The following RBBP4 variants were observed in gnomAD, a reference collection of about 807,000 sequenced individuals.
RBBP4 encodes the protein histone-binding protein RBBP4.
A neutral mutation model predicts 57.2 loss-of-function variants in RBBP4; 3 were observed. That is an observed-to-expected ratio of 0.05 (90% CI 0.02 to 0.14). The LOEUF is 0.14. Among genes scored for constraint, RBBP4 ranks in the 10% least tolerant of loss-of-function variants. The probability of loss-of-function intolerance (pLI) is 1.00; values close to 1 mark genes in which losing one functional copy is unlikely to be tolerated. For synonymous variants in RBBP4, 151 were observed against 171.5 expected (o/e 0.88, Z 0.93); for missense variants, 107 against 520.6 (o/e 0.21, Z 7.73).
At chr1:32,665,087 CTT>C (rs137951885) in intron 3 of RBBP4, among the ~76,000 whole-genome samples, 5,827 of 152,172 alleles carry the variant, frequency 0.038, 217 homozygotes, top group East Asian at 0.11. Flanking sequence ...GGGAAAAAAA[CTT>C]ATGTGTGACG....
rs531035360 is a variant in RBBP4 at position 32,657,419 on chromosome 1, C to T, written c.165-8C>T. ...AATTTGAACAGTGACTATATATTGCCGTTACAGACCAGAAGGGAAAGATTT... is the reference window on the plus strand; with the variant it reads ...AATTTGAACAGTGACTATATATTGCTGTTACAGACCAGAAGGGAAAGATTT... On this transcript the variant is annotated splice_region_variant and splice_polypyrimidine_tract_variant and intron_variant, in intron 2 of 11. Coordinates refer to ENST00000373493, the MANE Select transcript of RBBP4 (RefSeq NM_005610.3). 48 of 1,610,714 alleles carry T rather than the reference C, an allele frequency of 3.0e-5. 1 individual carries two copies. The highest frequency in any genetic ancestry group is 2.0e-4 in the Middle Eastern group (1 of 4,974).
At chr1:32,654,942 G>A (rs774445901) in intron 2 of RBBP4, among the ~76,000 whole-genome samples, 3 of 152,188 alleles carry the variant, frequency 2.0e-5, no homozygotes, top group East Asian at 1.9e-4. Flanking sequence ...TAATCCACCC[G>A]CTTCGGCCTC....
chr1:32,652,792 C>T (rs1461761783), intron 2 of RBBP4, among the ~76,000 whole-genome samples: 4 of 152,138 alleles, frequency 2.6e-5, no homozygotes, highest in Admixed American at 6.5e-5. Flanking sequence ...GTGATCCGCC[C>T]GCCTCTGCCT....
intron 2 of RBBP4, 133 bp from the exon 3 acceptor site, chr1:32,657,294 A>G (rs1307068601): frequency 2.4e-6 from 2 of 838,126 alleles, no homozygotes; most frequent in East Asian, 2.7e-5. Context: ...GAAAGAAAGA[A>G]AAGACCCTTA....
In RBBP4 at chr1:32,651,917, C is replaced by T. The variant is rs748124505; in HGVS notation, c.20C>T (p.Ala7Val). The T allele has an allele frequency of 1.2e-6, 2 of 1,613,704 alleles. No homozygotes were observed. The highest frequency in any genetic ancestry group is 2.2e-5 in the South Asian group (2 of 91,060). Residue 7 changes from alanine to valine, a missense_variant, in exon 2 of 12, where the codon GCC becomes GTC. Transcript: ENST00000373493. MADKEA[A>V]FDDAVEERVI... ...AATTTGTTTTTAAAAATTTTAGCAG[C>T]CTTCGACGACGCAGTGGAAGAACGA...
intron 1 of RBBP4, 90 bp downstream of exon 1, chr1:32,651,412 GT>G: frequency 7.2e-7 from 1 of 1,383,712 alleles, no homozygotes; most frequent in South Asian, 1.7e-5. Flanking sequence ...GCAGGCCCGA[GT>G]TTGCCGAGTG....
intron 3 of RBBP4, 142 bp downstream of exon 3, chr1:32,657,714 A>G (rs1379914801): frequency 1.3e-5 from 12 of 923,362 alleles, no homozygotes; most frequent in African/African-American, 1.7e-5. Flanking sequence ...ATTTATATTT[A>G]TATTAGAGTT....
Position 32,680,761 on chromosome 1 carries a change from C to G in RBBP4, c.*1056C>G. On this transcript the variant is annotated 3_prime_UTR_variant, in exon 12 of 12. Transcript: ENST00000373493. The stretch of plus-strand genomic sequence containing the variant: ...GTTGTTGTCCATGGTCTTTGACTAT[C>G]AAGAGCAGAATTAAATGTAATAGTC... 2 of 500,508 alleles carry G rather than the reference C, an allele frequency of 4.0e-6. No individual in the cohort carries two copies. Among genetic ancestry groups the G allele is most frequent in the South Asian group, 7.6e-5 (2 of 26,150 alleles). 31.0% of individuals were successfully genotyped at this position (500,508 alleles called of 1,614,324 possible). A position where few individuals can be genotyped will look rare whatever the true frequency, so the allele number is the denominator to read the frequency against.
rs2148545762 is a variant in RBBP4 at position 32,685,162 on chromosome 1, A to G, written c.*5457A>G. ...ACTGTGCCCAGCTTATCCTTTTTTC[A>G]TTACACAAAAAGACTGAATTTGGTT... On this transcript the variant is annotated 3_prime_UTR_variant, in exon 12 of 12. Coordinates refer to ENST00000373493, the MANE Select transcript of RBBP4 (RefSeq NM_005610.3). 6.6e-6 allele frequency: 1 copy of G among 152,248 alleles called. No homozygotes were observed. Among genetic ancestry groups the G allele is most frequent in the Non-Finnish European group, 1.5e-5 (1 of 68,038 alleles). 9.4% of individuals were successfully genotyped at this position (152,248 alleles called of 1,614,324 possible).
Position 32,684,714 on chromosome 1 carries a change from A to T in RBBP4, c.*5009A>T, listed in dbSNP as rs531986629. On this transcript the variant is annotated 3_prime_UTR_variant, in exon 12 of 12. Transcript: ENST00000373493. ...TGGTCTAGTTAGTGGGCTGAGTTTC[A>T]TATACCTCTCCCTCCATGTGCAGGT... 4 of 221,502 alleles carry T rather than the reference A, an allele frequency of 1.8e-5. No homozygotes were observed. The highest frequency in any genetic ancestry group is 9.1e-5 in the African/African-American group (4 of 44,126). 13.7% of individuals were successfully genotyped at this position (221,502 alleles called of 1,614,324 possible).
Position 32,681,973 on chromosome 1 carries a change from T to C in RBBP4, c.*2268T>C. On this transcript the variant is annotated 3_prime_UTR_variant, in exon 12 of 12. Coordinates refer to ENST00000373493, the MANE Select transcript of RBBP4 (RefSeq NM_005610.3). Reference sequence around the variant, plus strand: ...GATTTATGGATGATCAGGGATGACTTTCCCCTAGCAAATATTTGGATGCCT... The same window carrying C: ...GATTTATGGATGATCAGGGATGACTCTCCCCTAGCAAATATTTGGATGCCT... The C allele has an allele frequency of 1.1e-6, 1 of 933,040 alleles. No individual in the cohort carries two copies. The highest frequency in any genetic ancestry group is 1.7e-6 in the Non-Finnish European group (1 of 589,984). The allele number at this position is 933,040 out of a possible 1,614,324, so 57.8% of individuals were successfully genotyped here.
At chr1:32,652,404 C>A (rs1647823046) in intron 2 of RBBP4, 1 of 204,422 alleles carries the variant, frequency 4.9e-6, no homozygotes, top group Admixed American at 5.3e-5. Context: ...GGAATCCGAG[C>A]ACTTTGGGAG....
intron 1 of RBBP4, chr1:32,651,535 C>A: frequency 4.7e-6 from 6 of 1,276,734 alleles, no homozygotes; most frequent in Non-Finnish European, 6.1e-6. Flanking sequence ...GCGGTGGGGC[C>A]CCCGGCCAGT....
chr1:32,672,277 G>C (rs1055149701), intron 8 of RBBP4, among the ~76,000 whole-genome samples, 173 bp from the exon 9 acceptor site: 1 of 152,026 alleles, frequency 6.6e-6, no homozygotes, highest in South Asian at 2.1e-4. Flanking sequence ...AGCCAACCGC[G>C]CCTGCCCATA....
rs551304558 is a variant in RBBP4 at position 32,684,171 on chromosome 1, T to C, written c.*4466T>C. On this transcript the variant is annotated 3_prime_UTR_variant, in exon 12 of 12. Transcript: ENST00000373493. ...CATTTCCCAAATCCTCTTTTTGTTT[T>C]TGATTCTAAGGTAAAATTTTCCCTA... 3.7e-6 allele frequency: 6 copies of C among 1,606,156 alleles called. 1 individual carries two copies. The East Asian group carries it at 1.1e-4, about 30-fold the overall frequency.
chr1:32,684,356 G>C lies in RBBP4; in HGVS notation c.*4651G>C, dbSNP rs752610030. On this transcript the variant is annotated 3_prime_UTR_variant, in exon 12 of 12. Transcript: ENST00000373493. ...GCACCCCATTTCTTAACTGCCTCTGGCGTTCTTCCATTTCCTCCAGCTGTT... is the reference window on the plus strand; with the variant it reads ...GCACCCCATTTCTTAACTGCCTCTGCCGTTCTTCCATTTCCTCCAGCTGTT... 6.2e-7 allele frequency: 1 copy of C among 1,614,074 alleles called. No homozygotes were observed. Among genetic ancestry groups the C allele is most frequent in the South Asian group, 1.1e-5 (1 of 91,074 alleles).
Position 32,684,036 on chromosome 1 carries a change from G to A in RBBP4, c.*4331G>A, listed in dbSNP as rs1215677835. 55 of 1,614,168 alleles carry A rather than the reference G, an allele frequency of 3.4e-5. No homozygotes were observed. Among genetic ancestry groups the A allele is most frequent in the Non-Finnish European group, 4.7e-5 (55 of 1,180,028 alleles). ...TTGAGACTGTGTCTCCATTCCACCTGCCTGAGAAGTGGGAGCATCAGCCTG... is the reference window on the plus strand; with the variant it reads ...TTGAGACTGTGTCTCCATTCCACCTACCTGAGAAGTGGGAGCATCAGCCTG... On this transcript the variant is annotated 3_prime_UTR_variant, in exon 12 of 12. Coordinates refer to ENST00000373493, the MANE Select transcript of RBBP4 (RefSeq NM_005610.3).
rs1649753524 is a variant in RBBP4, at chr1:32,685,383, TAAGG to T, written c.*5682_*5685del. ...TTACCTGCTAGCTGGCATGGATCCT[TAAGG>T]AAGCAGGAGGGAGTTGGGAAGAGAG... On this transcript the variant is annotated 3_prime_UTR_variant, in exon 12 of 12. Coordinates refer to ENST00000373493, the MANE Select transcript of RBBP4 (RefSeq NM_005610.3). The T allele has an allele frequency of 6.6e-6, 1 of 152,284 alleles. No individual in the cohort carries two copies. The allele number at this position is 152,284 out of a possible 1,614,324, so 9.4% of individuals were successfully genotyped here. A position where few individuals can be genotyped will look rare whatever the true frequency, so the allele number is the denominator to read the frequency against.
chr1:32,673,005 A>C, intron 11 of RBBP4, 104 bp downstream of exon 11: 1 of 879,422 alleles, frequency 1.1e-6, no homozygotes, highest in Non-Finnish European at 1.8e-6. Flanking sequence ...TGTTCATTTT[A>C]CTCCCAGGTG....
Sources: allele counts gnomAD v4.1 joint callset (sites outside exome capture counted in the v4.1 genomes callset), GRCh38; gene constraint gnomAD v4.1.1; transcripts MANE v1.5; gene names NCBI Gene and HGNC (gene_info 2026-07-23, HGNC 2026-07-21).